The following NAALADL2 variants were observed in gnomAD, a reference collection of about 807,000 sequenced individuals.
NAALADL2 encodes N-acetylated alpha-linked acidic dipeptidase like 2.
A neutral mutation model predicts 87.2 loss-of-function variants in NAALADL2; 76 were observed. The ratio of observed to expected loss-of-function variants is 0.87; its 90% confidence interval spans 0.72 to 1.05. NAALADL2 has a LOEUF of 1.05. Among genes scored for constraint, NAALADL2 ranks in the 50% least tolerant of loss-of-function variants. The pLI, the probability that NAALADL2 is intolerant of heterozygous loss-of-function variation, is 0.00. For synonymous variants in NAALADL2, 354 were observed against 331.0 expected, an observed-to-expected ratio of 1.07 and a Z score of -0.75; for missense variants, 1,089 against 945.8, an observed-to-expected ratio of 1.15 and a Z score of -1.99.
At chr3:175,324,572 T>G (rs1581425890) in intron 5 of NAALADL2, among the ~76,000 whole-genome samples, 1 of 152,148 alleles carries the variant, frequency 6.6e-6, no homozygotes, top group South Asian at 2.1e-4. Context: ...CAGACAGAAA[T>G]GTATTTTATG....
intron 2 of NAALADL2, among the ~76,000 whole-genome samples, chr3:175,207,580 G>A (rs542997405): frequency 6.0e-4 from 91 of 152,166 alleles, no homozygotes; most frequent in African/African-American, 2.1e-3. Flanking sequence ...CTGTTACTAA[G>A]AGGCATCTTT....
intron 9 of NAALADL2, among the ~76,000 whole-genome samples, chr3:175,528,119 T>G (rs1302613638): frequency 6.6e-6 from 1 of 152,068 alleles, no homozygotes; most frequent in Non-Finnish European, 1.5e-5. Context: ...ATTAAATTAT[T>G]TGGTGTATTA....
chr3:174,519,345 G>C (rs1395306242), intron 1 of NAALADL2, among the ~76,000 whole-genome samples: 1 of 75,892 alleles, frequency 1.3e-5, no homozygotes, highest in Non-Finnish European at 2.6e-5. Context: ...TTTTTTTTTT[G>C]AGACAGAGTT....
chr3:174,577,598 G>T (rs1715674847), intron 2 of NAALADL2, among the ~76,000 whole-genome samples: 1 of 152,088 alleles, frequency 6.6e-6, no homozygotes, highest in African/African-American at 2.4e-5. Flanking sequence ...TTTAACTGCT[G>T]CCCAATATTA....
chr3:174,882,478 C>CATATGTGCATATACATATGTGTATGT, intron 1 of NAALADL2, among the ~76,000 whole-genome samples: 1 of 149,220 alleles, frequency 6.7e-6, no homozygotes, highest in Non-Finnish European at 1.5e-5. Context: ...TATGTGTATG[C>CATATGTGCATATACATATGTGTATGT]ATACATATGT....
chr3:175,557,085 A>G (rs9829857), intron 9 of NAALADL2, among the ~76,000 whole-genome samples: 7,705 of 152,322 alleles, frequency 0.051, 440 homozygotes, highest in African/African-American at 0.14. Flanking sequence ...ACATCTGTAC[A>G]GACATTCTCT....
chr3:175,245,645 A>AT (rs1436056563), intron 3 of NAALADL2, among the ~76,000 whole-genome samples: 4 of 152,132 alleles, frequency 2.6e-5, no homozygotes, highest in African/African-American at 9.7e-5. Flanking sequence ...TGTAGCAAGT[A>AT]TTTTTTCAGC....
At chr3:175,254,469 C>T (rs936483895) in intron 3 of NAALADL2, among the ~76,000 whole-genome samples, 1 of 152,170 alleles carries the variant, frequency 6.6e-6, no homozygotes, top group African/African-American at 2.4e-5. Flanking sequence ...ATTTGCTTTA[C>T]TGTGGTAGTA....
intron 3 of NAALADL2, among the ~76,000 whole-genome samples, chr3:174,823,765 C>T (rs1398248707): frequency 6.6e-6 from 1 of 152,078 alleles, no homozygotes; most frequent in Admixed American, 6.5e-5. Flanking sequence ...GGCTGGAGTG[C>T]AGTGGCACAA....
At chr3:175,530,275 G>A (rs928369710) in intron 9 of NAALADL2, among the ~76,000 whole-genome samples, 1 of 152,180 alleles carries the variant, frequency 6.6e-6, no homozygotes, top group Non-Finnish European at 1.5e-5. Flanking sequence ...CACAGCTTTT[G>A]ACCATTCAGA....
intron 11 of NAALADL2, among the ~76,000 whole-genome samples, chr3:175,728,665 G>A (rs1743257585): frequency 1.3e-5 from 2 of 152,254 alleles, no homozygotes; most frequent in South Asian, 4.1e-4. Flanking sequence ...CAGCCTGAAG[G>A]ACACTATGTA....
chr3:174,831,484 T>C (rs1032405759), intron 3 of NAALADL2, among the ~76,000 whole-genome samples: 3 of 142,200 alleles, frequency 2.1e-5, no homozygotes, highest in Non-Finnish European at 4.6e-5. Flanking sequence ...GATAAGCTTT[T>C]TGATGTGCTG....
intron 2 of NAALADL2, among the ~76,000 whole-genome samples, chr3:175,118,657 A>AT (rs1725663104): frequency 6.6e-6 from 1 of 151,770 alleles, no homozygotes; most frequent in Admixed American, 6.6e-5. Context: ...TTTCTAATGC[A>AT]TTTTTAAAAA....
At chr3:174,807,209 C>CT (rs370643065) in intron 3 of NAALADL2, among the ~76,000 whole-genome samples, 2 of 151,872 alleles carry the variant, frequency 1.3e-5, no homozygotes, top group African/African-American at 4.8e-5. Context: ...TACCACCCAA[C>CT]TTTTTTTTCT....
intron 1 of NAALADL2, among the ~76,000 whole-genome samples, chr3:174,860,516 AG>A (rs1726361283): frequency 6.6e-6 from 1 of 152,146 alleles, no homozygotes; most frequent in Non-Finnish European, 1.5e-5. Flanking sequence ...ATTATGTACA[AG>A]ATTATAACAT....
intron 9 of NAALADL2, among the ~76,000 whole-genome samples, chr3:175,551,784 G>C (rs1227480678): frequency 6.6e-6 from 1 of 152,044 alleles, no homozygotes; most frequent in African/African-American, 2.4e-5. Flanking sequence ...TGTAGTCCCA[G>C]CTACTCAGGA....
At chr3:174,799,657 C>G (rs1718571857) in intron 3 of NAALADL2, among the ~76,000 whole-genome samples, 2 of 152,076 alleles carry the variant, frequency 1.3e-5, no homozygotes, top group Non-Finnish European at 2.9e-5. Flanking sequence ...TAAATTCTAC[C>G]AGAAGTGGAG....
At chr3:175,739,224 T>TC (rs111669220) in intron 12 of NAALADL2, among the ~76,000 whole-genome samples, 35,548 of 152,002 alleles carry the variant, frequency 0.23, 4,347 homozygotes, top group Middle Eastern at 0.3. Context: ...CATGCTAAAA[T>TC]CAATTTTTTA....
chr3:175,234,315 A>C, intron 3 of NAALADL2, 111 bp downstream of exon 3: 1 of 1,180,764 alleles, frequency 8.5e-7, no homozygotes, highest in Non-Finnish European at 1.2e-6. Flanking sequence ...GTAACCATTA[A>C]ATCTTTTCAG....
Sources: gnomAD v4.1 joint callset for allele counts (sites outside exome capture counted in the v4.1 genomes callset) on GRCh38, gnomAD v4.1.1 for gene constraint, MANE v1.5 for transcripts, NCBI Gene and HGNC (gene_info 2026-07-23, HGNC 2026-07-21) for gene names.